The following CTNNA2 variants were observed in gnomAD, a reference collection of about 807,000 sequenced individuals.
CTNNA2 encodes the protein catenin alpha-2.
Under a neutral mutation model 101.0 loss-of-function variants are expected in CTNNA2, and 42 were observed. The ratio of observed to expected loss-of-function variants is 0.42; its 90% CI spans 0.32 to 0.54. The LOEUF (loss-of-function observed/expected upper bound fraction) is 0.54. Ranked by LOEUF, CTNNA2 falls within the 20% of genes least tolerant of loss-of-function variation. CTNNA2 has a pLI of 0.14. For synonymous variants in CTNNA2, 450 were observed against 456.4 expected (o/e 0.99, Z 0.18); for missense variants, 871 against 1,223.1 (o/e 0.71, Z 4.29).
chr2:79,652,427 GC>G (rs1312701068), intron 2 of CTNNA2, among the ~76,000 whole-genome samples: 1 of 151,966 alleles, frequency 6.6e-6, no homozygotes, highest in African/African-American at 2.4e-5. Flanking sequence ...CCATTTTCTT[GC>G]TTTTCCCATC....
chr2:79,723,513 A>G (rs996591234), intron 2 of CTNNA2, among the ~76,000 whole-genome samples: 3 of 152,128 alleles, frequency 2.0e-5, no homozygotes, highest in Non-Finnish European at 4.4e-5. Context: ...ATCTGCATAT[A>G]CTCTGGTTCT....
At chr2:80,599,324 G>T (rs148119799) in intron 15 of CTNNA2, among the ~76,000 whole-genome samples, 1 of 152,110 alleles carries the variant, frequency 6.6e-6, no homozygotes, top group Non-Finnish European at 1.5e-5. Context: ...ATAGGCACTC[G>T]GATGTCTGAA....
chr2:80,023,253 T>C (rs1376209097), intron 7 of CTNNA2, among the ~76,000 whole-genome samples: 1 of 152,244 alleles, frequency 6.6e-6, no homozygotes, highest in African/African-American at 2.4e-5. Context: ...TCTAATATTC[T>C]GAGTGAGCAT....
At chr2:79,921,619 G>A (rs1340252990) in intron 7 of CTNNA2, among the ~76,000 whole-genome samples, 2 of 152,118 alleles carry the variant, frequency 1.3e-5, no homozygotes, top group East Asian at 1.9e-4. Context: ...TTTATCCTTG[G>A]AAGGACTGTA....
Position 79,728,514 on chromosome 2 carries a change from A to G in CTNNA2, c.103-15873A>G, listed in dbSNP as rs1687002051. Among the ~76,000 whole-genome samples the G allele has an allele frequency of 3.9e-5, 6 of 152,124 alleles. No homozygotes were observed. The South Asian group carries it at 1.2e-3, about 32-fold the overall frequency. ...GAGTAGATTGCGAAAATTGTCTCCC[A>G]TTTTGTAGGTTGCCTGTTCACTCTG... On this transcript the variant is annotated intron_variant, in intron 2 of 18. Transcript: ENST00000402739.
chr2:80,345,152 C>G (rs1401060952), intron 7 of CTNNA2, among the ~76,000 whole-genome samples: 1 of 152,182 alleles, frequency 6.6e-6, no homozygotes, highest in Admixed American at 6.5e-5. Flanking sequence ...TCTCAAAACC[C>G]TCCAGTGGTT....
intron 3 of CTNNA2, among the ~76,000 whole-genome samples, chr2:79,345,919 C>T (rs557310582): frequency 6.7e-6 from 1 of 149,300 alleles, no homozygotes; most frequent in South Asian, 2.1e-4. Context: ...AGGCTGGTCT[C>T]GAACTCCTGA....
At chr2:79,927,254 T>C (rs891605624) in intron 7 of CTNNA2, among the ~76,000 whole-genome samples, 13 of 152,138 alleles carry the variant, frequency 8.5e-5, no homozygotes, top group African/African-American at 3.1e-4. Flanking sequence ...TTTGTTTTGG[T>C]TTGATTTGTT....
At chr2:79,499,514 A>G (rs1319788576) in intron 4 of CTNNA2, among the ~76,000 whole-genome samples, 1 of 152,180 alleles carries the variant, frequency 6.6e-6, no homozygotes, top group East Asian at 1.9e-4. Context: ...CATCGCAATT[A>G]TAATAAAATC....
At chr2:79,343,862 T>C (rs1357977565) in intron 3 of CTNNA2, among the ~76,000 whole-genome samples, 2 of 152,136 alleles carry the variant, frequency 1.3e-5, no homozygotes, top group Non-Finnish European at 2.9e-5. Context: ...AAGTATGCTT[T>C]CGTTAAAGTT....
Position 79,696,215 on chromosome 2 carries a change from T to G in CTNNA2, c.102+44557T>G, listed in dbSNP as rs1451339739. On this transcript the variant is annotated intron_variant, in intron 2 of 18. Coordinates refer to ENST00000402739, the MANE Select transcript of CTNNA2 (RefSeq NM_001282597.3). ...GCATTGAGCTACTGCAATCTTGGAATTAGTTAAAGGCTTGTAGCCATTTGC... is the reference window on the plus strand; with the variant it reads ...GCATTGAGCTACTGCAATCTTGGAAGTAGTTAAAGGCTTGTAGCCATTTGC... Among the ~76,000 whole-genome samples the G allele has an allele frequency of 2.6e-5, 4 of 152,040 alleles. No individual in the cohort carries two copies. In the East Asian group the frequency reaches 7.7e-4, roughly 29 times the overall value.
At chr2:80,170,204 T>C (rs1189463404) in intron 7 of CTNNA2, among the ~76,000 whole-genome samples, 10 of 148,898 alleles carry the variant, frequency 6.7e-5, no homozygotes, top group Non-Finnish European at 1.0e-4. Context: ...TCTCTCTCTC[T>C]CTCTATCTCT....
At chr2:80,354,572 A>C (rs1434383462) in intron 7 of CTNNA2, among the ~76,000 whole-genome samples, 1 of 152,164 alleles carries the variant, frequency 6.6e-6, no homozygotes, top group East Asian at 1.9e-4. Context: ...TGTGAAAGCA[A>C]ATGGGATAAG....
At chr2:80,589,170 G>T (rs539981346) in intron 14 of CTNNA2, 134 bp from the exon 15 acceptor site, 1 of 858,488 alleles carries the variant, frequency 1.2e-6, no homozygotes, top group East Asian at 2.7e-5. Flanking sequence ...GGAGAAAGAC[G>T]TGCTTTCCGG....
intron 7 of CTNNA2, among the ~76,000 whole-genome samples, chr2:80,270,992 C>A (rs901695557): frequency 6.6e-6 from 1 of 152,048 alleles, no homozygotes; most frequent in African/African-American, 2.4e-5. Flanking sequence ...TATCTTTGAT[C>A]ATATAAGGTC....
At chr2:80,179,365 G>GTT (rs372879388) in intron 7 of CTNNA2, among the ~76,000 whole-genome samples, 1 of 151,572 alleles carries the variant, frequency 6.6e-6, no homozygotes, top group African/African-American at 2.4e-5. Flanking sequence ...TGTCTTTCAA[G>GTT]TTTTTTTTTG....
At chr2:79,307,143 T>C (rs1210657187) in intron 2 of CTNNA2, among the ~76,000 whole-genome samples, 3 of 152,192 alleles carry the variant, frequency 2.0e-5, no homozygotes, top group African/African-American at 4.8e-5. Context: ...ATATTTATGG[T>C]TACACAGTGA....
At position 79,537,274 on chromosome 2, in the gene CTNNA2, C is replaced by G. The variant is rs528640199; in HGVS notation, c.-6+24067C>G. Among the ~76,000 whole-genome samples the G allele has an allele frequency of 7.2e-5, 11 of 152,270 alleles. No homozygotes were observed. In the East Asian group the frequency reaches 1.9e-3, roughly 27 times the overall value. ...ACAAGCCCTTGAATCAAATGCTCAT[C>G]AGCCTGTAAGCAAATGTTTCCCCCT... On this transcript the variant is annotated intron_variant, in intron 1 of 18. Coordinates refer to ENST00000402739, the MANE Select transcript of CTNNA2 (RefSeq NM_001282597.3).
chr2:79,223,399 A>T (rs955254036), intron 2 of CTNNA2, among the ~76,000 whole-genome samples: 4 of 152,188 alleles, frequency 2.6e-5, no homozygotes, highest in Non-Finnish European at 4.4e-5. Context: ...GGACTCAGAC[A>T]GTTCTTCTTC....
Sources: allele counts gnomAD v4.1 joint callset (sites outside exome capture counted in the v4.1 genomes callset), GRCh38; gene constraint gnomAD v4.1.1; transcripts MANE v1.5; gene names NCBI Gene and HGNC (gene_info 2026-07-23, HGNC 2026-07-21).